The following HSD17B12 variants were observed in gnomAD, a reference collection of about 807,000 sequenced individuals.
The protein encoded by HSD17B12 is very-long-chain 3-oxoacyl-CoA reductase.
A neutral mutation model predicts 39.3 loss-of-function variants in HSD17B12; 32 were observed. That is an observed-to-expected ratio of 0.81 (90% CI 0.61 to 1.09). The LOEUF (loss-of-function observed/expected upper bound fraction) is 1.09, where lower values mean the gene tolerates loss of function less well. Among genes scored for constraint, HSD17B12 ranks in the 50% least tolerant of loss-of-function variants. The pLI, the probability that HSD17B12 is intolerant of heterozygous loss-of-function variation, is 0.00. For synonymous variants in HSD17B12, 150 were observed against 146.7 expected (o/e 1.02, Z -0.16); for missense variants, 342 against 382.9 (o/e 0.89, Z 0.89).
intron 4 of HSD17B12, among the ~76,000 whole-genome samples, chr11:43,810,572 C>G (rs1335583864): frequency 1.3e-5 from 2 of 152,066 alleles, no homozygotes; most frequent in Non-Finnish European, 2.9e-5. Flanking sequence ...CCTCTGCCCT[C>G]CACCACCTTT....
the HSD17B12 span, chr11:43,581,264 G>T: frequency 4.4e-6 from 2 of 456,504 alleles, no homozygotes; most frequent in Non-Finnish European, 4.5e-6. The surrounding 1 kb of genome is among the most constrained non-coding windows in gnomAD (Gnocchi z 4.9). Context: ...GCGCGGAGGG[G>T]CGGGCAGCGC....
At chr11:43,687,705 A>T (rs1473495817) in intron 1 of HSD17B12, among the ~76,000 whole-genome samples, 3 of 152,276 alleles carry the variant, frequency 2.0e-5, no homozygotes, top group African/African-American at 7.2e-5. Context: ...AAGGGCAATG[A>T]GCAGGGCCTT....
chr11:43,733,850 A>T, intron 1 of HSD17B12: 1 of 680,420 alleles, frequency 1.5e-6, no homozygotes, highest in Non-Finnish European at 2.7e-6. Context: ...TATAATGTGG[A>T]TGCTGGGCAC....
At chr11:43,767,311 T>G (rs1218659489) in intron 3 of HSD17B12, among the ~76,000 whole-genome samples, 1 of 152,310 alleles carries the variant, frequency 6.6e-6, no homozygotes, top group African/African-American at 2.4e-5. Context: ...AAAATTTGGT[T>G]GTTGTTCTAA....
At chr11:43,763,908 G>A (rs1462851692) in intron 3 of HSD17B12, among the ~76,000 whole-genome samples, 1 of 151,934 alleles carries the variant, frequency 6.6e-6, no homozygotes, top group Non-Finnish European at 1.5e-5. Context: ...AGTTGACATT[G>A]CAGAGCAACA....
intron 3 of HSD17B12, among the ~76,000 whole-genome samples, chr11:43,770,427 C>T (rs1950637969): frequency 6.6e-6 from 1 of 152,124 alleles, no homozygotes; most frequent in Admixed American, 6.6e-5. Flanking sequence ...GGACTTGGCA[C>T]TGATGACATT....
At chr11:43,563,612 C>A in the HSD17B12 span, among the ~76,000 whole-genome samples, 1 of 152,128 alleles carries the variant, frequency 6.6e-6, no homozygotes, top group Non-Finnish European at 1.5e-5. Flanking sequence ...CCCAGGAGTT[C>A]GAGACCAGCC....
At chr11:43,699,712 T>C (rs1949945547) in intron 1 of HSD17B12, among the ~76,000 whole-genome samples, 1 of 152,204 alleles carries the variant, frequency 6.6e-6, no homozygotes, top group Non-Finnish European at 1.5e-5. Context: ...GTTCAGTTTA[T>C]TTGAAAGGTG....
chr11:43,833,568 G>C (rs1307106489), intron 7 of HSD17B12: 1 of 152,222 alleles, frequency 6.6e-6, no homozygotes, highest in Non-Finnish European at 1.5e-5. Flanking sequence ...AAAGAGGAGA[G>C]AAAAATTCCA....
intron 1 of HSD17B12, among the ~76,000 whole-genome samples, chr11:43,711,490 T>C (rs1950065534): frequency 6.6e-6 from 1 of 151,042 alleles, no homozygotes; most frequent in Admixed American, 6.6e-5. Flanking sequence ...TTTTTTTTTT[T>C]TTGAGACAGG....
At chr11:43,597,511 G>A in the HSD17B12 span, among the ~76,000 whole-genome samples, 19,481 of 152,192 alleles carry the variant, frequency 0.13, 1,493 homozygotes, top group Middle Eastern at 0.26. Context: ...TAGACTGAGG[G>A]AGTTGCTCTC....
At chr11:43,762,375 C>G (rs768910443) in intron 3 of HSD17B12, among the ~76,000 whole-genome samples, 8 of 152,192 alleles carry the variant, frequency 5.3e-5, no homozygotes, top group Non-Finnish European at 8.8e-5. Flanking sequence ...TTGGGTTACA[C>G]TGAGCAGGAA....
At chr11:43,719,744 C>CT (rs977886588) in intron 1 of HSD17B12, among the ~76,000 whole-genome samples, 7 of 151,844 alleles carry the variant, frequency 4.6e-5, no homozygotes, top group African/African-American at 1.7e-4. Flanking sequence ...CTTTCTCCTT[C>CT]TTTTTTCTTT....
intron 1 of HSD17B12, chr11:43,719,236 A>G: frequency 1.7e-6 from 1 of 599,376 alleles, no homozygotes; most frequent in East Asian, 3.1e-5. Context: ...GGGAGGCCAT[A>G]TACAGGCATT....
chr11:43,851,792 GA>G (rs1849321195), intron 9 of HSD17B12, among the ~76,000 whole-genome samples: 1 of 152,160 alleles, frequency 6.6e-6, no homozygotes, highest in Non-Finnish European at 1.5e-5. Flanking sequence ...TTGTGTTCTA[GA>G]AATGGATACT....
chr11:43,839,547 C>G (rs115097244), intron 8 of HSD17B12, among the ~76,000 whole-genome samples: 5,441 of 152,182 alleles, frequency 0.036, 347 homozygotes, highest in African/African-American at 0.12. Flanking sequence ...CTTCTTGGAT[C>G]TTGTCATCCC....
At chr11:43,709,579 A>G (rs907364662) in intron 1 of HSD17B12, among the ~76,000 whole-genome samples, 2 of 152,226 alleles carry the variant, frequency 1.3e-5, no homozygotes, top group African/African-American at 2.4e-5. Context: ...TTTTTGACAC[A>G]TTAGGCAAGT....
chr11:43,583,184 A>G, the HSD17B12 span, among the ~76,000 whole-genome samples: 16 of 152,148 alleles, frequency 1.1e-4, no homozygotes, highest in Admixed American at 2.6e-4. Context: ...GTGAACTTGC[A>G]CAGAAGAGGT....
At chr11:43,804,119 T>C (rs1040149426) in intron 4 of HSD17B12, among the ~76,000 whole-genome samples, 3 of 152,216 alleles carry the variant, frequency 2.0e-5, no homozygotes, top group Non-Finnish European at 4.4e-5. Flanking sequence ...CTTTGTGAGA[T>C]TCTGTATTAT....
Sources: gnomAD v4.1 joint callset for allele counts (sites outside exome capture counted in the v4.1 genomes callset) on GRCh38, gnomAD v4.1.1 for gene constraint, Gnocchi (gnomAD v3.1) non-coding constraint, MANE v1.5 for transcripts, NCBI Gene and HGNC (gene_info 2026-07-23, HGNC 2026-07-21) for gene names.